The following RBFOX1 variants were observed in gnomAD, a reference collection of about 807,000 sequenced individuals.
The protein encoded by RBFOX1 is RNA binding protein fox-1 homolog 1.
Under a neutral mutation model 57.7 loss-of-function variants are expected in RBFOX1, and 8 were observed. The observed-to-expected ratio is 0.14, with a 90% CI of 0.08 to 0.25. The LOEUF (loss-of-function observed/expected upper bound fraction) is 0.25. Ranked by LOEUF, RBFOX1 falls within the 10% of genes least tolerant of loss-of-function variation. The pLI is 1.00. For synonymous variants in RBFOX1, 326 were observed against 222.4 expected (o/e 1.47, Z -4.15); for missense variants, 611 against 548.5 (o/e 1.11, Z -1.14).
rs148035207 is a variant in RBFOX1, at chr16:6,280,953, ATG to A, written c.-126-36028_-126-36027del. On this transcript the variant is annotated intron_variant, in intron 1 of 15. Transcript: ENST00000550418. ...TGCATGCTAGCAATGCTAGCAACAT[ATG>A]TGTGTGTGTGTGTATGTGTGTGTAT... Among the ~76,000 whole-genome samples the A allele has an allele frequency of 5.9e-3, 883 of 148,906 alleles. 6 individuals carry two copies. The highest frequency in any genetic ancestry group is 0.021 in the African/African-American group (843 of 39,944).
intron 4 of RBFOX1, among the ~76,000 whole-genome samples, chr16:7,063,640 C>T (rs1276759493): frequency 6.6e-6 from 1 of 152,138 alleles, no homozygotes; most frequent in Non-Finnish European, 1.5e-5. Context: ...ATGCTATTGG[C>T]CCTTCATATC....
At chr16:6,378,517 C>T (rs1486734506) in intron 2 of RBFOX1, among the ~76,000 whole-genome samples, 1 of 152,170 alleles carries the variant, frequency 6.6e-6, no homozygotes, top group East Asian at 1.9e-4. Flanking sequence ...TCAGAGCACA[C>T]ACAGCCATCT....
At chr16:6,847,587 G>A (rs932886672) in intron 3 of RBFOX1, among the ~76,000 whole-genome samples, 1 of 152,036 alleles carries the variant, frequency 6.6e-6, no homozygotes, top group Non-Finnish European at 1.5e-5. Flanking sequence ...CTGAAAAGTT[G>A]CATGGCAAAG....
intron 10 of RBFOX1, among the ~76,000 whole-genome samples, chr16:7,618,322 A>C (rs1156411569): frequency 6.6e-6 from 1 of 152,182 alleles, no homozygotes; most frequent in Non-Finnish European, 1.5e-5. Context: ...TCTTATAATT[A>C]AGACTTGTAT....
intron 1 of RBFOX1, among the ~76,000 whole-genome samples, chr16:6,082,915 C>A (rs1044851536): frequency 6.6e-6 from 1 of 152,180 alleles, no homozygotes; most frequent in Non-Finnish European, 1.5e-5. Context: ...CACCCCTGCT[C>A]TACAGACTCA....
intron 1 of RBFOX1, among the ~76,000 whole-genome samples, chr16:6,050,905 T>C (rs2095545294): frequency 6.6e-6 from 1 of 150,974 alleles, no homozygotes; most frequent in Non-Finnish European, 1.5e-5. Flanking sequence ...GATTATTCAA[T>C]CATCAACCGG....
At chr16:6,940,533 C>T (rs1239277765) in intron 3 of RBFOX1, among the ~76,000 whole-genome samples, 4 of 152,070 alleles carry the variant, frequency 2.6e-5, no homozygotes, top group Admixed American at 2.0e-4. Context: ...GAATGAAATT[C>T]CTCTAAATCT....
chr16:5,528,471 C>G (rs546377065), intron 2 of RBFOX1, among the ~76,000 whole-genome samples: 1 of 152,094 alleles, frequency 6.6e-6, no homozygotes, highest in East Asian at 1.9e-4. Flanking sequence ...CTGTGTGGCC[C>G]TTACTGCCTA....
intron 2 of RBFOX1, among the ~76,000 whole-genome samples, chr16:6,479,877 C>T (rs367998813): frequency 6.6e-6 from 1 of 151,826 alleles, no homozygotes; most frequent in Non-Finnish European, 1.5e-5. Flanking sequence ...TGGTGAAACC[C>T]CATCTCTACT....
chr16:6,197,899 A>G (rs577081952), intron 1 of RBFOX1, among the ~76,000 whole-genome samples: 1 of 152,166 alleles, frequency 6.6e-6, no homozygotes, highest in South Asian at 2.1e-4. Flanking sequence ...AAAAAGTGGC[A>G]TTTGGTTTTC....
chr16:6,394,483 C>T (rs1045193273), intron 2 of RBFOX1, among the ~76,000 whole-genome samples: 2 of 147,694 alleles, frequency 1.4e-5, no homozygotes, highest in East Asian at 2.0e-4. Context: ...AAATTTACCC[C>T]CCAGAATAGC....
chr16:7,320,263 G>T (rs894719681), intron 4 of RBFOX1, among the ~76,000 whole-genome samples: 1 of 151,772 alleles, frequency 6.6e-6, no homozygotes, highest in African/African-American at 2.4e-5. Flanking sequence ...AGTGTGTGTT[G>T]TTTCCCTCCC....
chr16:6,095,270 A>G (rs1315687999), intron 1 of RBFOX1, among the ~76,000 whole-genome samples: 3 of 152,210 alleles, frequency 2.0e-5, no homozygotes, highest in Non-Finnish European at 2.9e-5. Flanking sequence ...TGAATATACA[A>G]ATAAGTGAAG....
intron 1 of RBFOX1, among the ~76,000 whole-genome samples, chr16:6,145,376 T>A (rs1399190762): frequency 6.6e-6 from 1 of 152,226 alleles, no homozygotes; most frequent in Non-Finnish European, 1.5e-5. Flanking sequence ...TTGTTTTTTT[T>A]AATGGCTGCA....
At chr16:6,548,638 G>C (rs922688764) in intron 2 of RBFOX1, among the ~76,000 whole-genome samples, 10 of 152,168 alleles carry the variant, frequency 6.6e-5, no homozygotes, top group Non-Finnish European at 2.9e-5. Flanking sequence ...TTAAATTATA[G>C]AACTGGGAAG....
At chr16:6,099,227 G>A (rs1441276418) in intron 1 of RBFOX1, among the ~76,000 whole-genome samples, 1 of 152,138 alleles carries the variant, frequency 6.6e-6, no homozygotes, top group African/African-American at 2.4e-5. Context: ...GTGTTAAGAG[G>A]GCCTGCCATT....
chr16:6,988,793 G>C (rs1360198374), intron 3 of RBFOX1, among the ~76,000 whole-genome samples: 1 of 144,386 alleles, frequency 6.9e-6, no homozygotes, highest in East Asian at 2.0e-4. Flanking sequence ...TTGTTTTTAA[G>C]ATGGAGTCTT....
At chr16:5,441,141 A>G (rs78266350) in intron 1 of RBFOX1, among the ~76,000 whole-genome samples, 6,269 of 152,170 alleles carry the variant, frequency 0.041, 144 homozygotes, top group African/African-American at 0.068. Context: ...GCTGCAAGAA[A>G]ATTGGGTAGT....
At chr16:6,505,138 A>G (rs2096057327) in intron 2 of RBFOX1, among the ~76,000 whole-genome samples, 3 of 152,078 alleles carry the variant, frequency 2.0e-5, no homozygotes, top group African/African-American at 7.2e-5. Context: ...CCTTCACCAG[A>G]CTTGGGGGTT....
Sources: gnomAD v4.1 joint callset for allele counts (sites outside exome capture counted in the v4.1 genomes callset) on GRCh38, gnomAD v4.1.1 for gene constraint, MANE v1.5 for transcripts, NCBI Gene and HGNC (gene_info 2026-07-23, HGNC 2026-07-21) for gene names.